Variants in MED1 observed in about 807,000 individuals in gnomAD.
MED1 encodes the protein mediator of RNA polymerase II transcription subunit 1.
Under a neutral mutation model 121.3 loss-of-function variants are expected in MED1, and 17 were observed. The ratio of observed to expected loss-of-function variants is 0.14; its 90% CI spans 0.10 to 0.21. The LOEUF is 0.21. Ranked by LOEUF, MED1 falls within the 10% of genes least tolerant of loss-of-function variation. The probability of loss-of-function intolerance (pLI) is 1.00; values close to 1 mark genes in which losing one functional copy is unlikely to be tolerated. For synonymous variants in MED1, 661 were observed against 694.4 expected (o/e 0.95, Z 0.76); for missense variants, 1,558 against 1,919.4 (o/e 0.81, Z 3.52).
At chr17:39,430,150 C>T (rs932552113) in intron 9 of MED1, among the ~76,000 whole-genome samples, 4 of 151,174 alleles carry the variant, frequency 2.6e-5, no homozygotes, top group Non-Finnish European at 4.4e-5. Context: ...TTTGGGCAGC[C>T]GAGGAGGGAG....
chr17:39,413,350 A>T (rs1453361507), intron 16 of MED1, among the ~76,000 whole-genome samples: 5 of 152,194 alleles, frequency 3.3e-5, no homozygotes, highest in African/African-American at 1.2e-4. Context: ...GCAACCTCCG[A>T]TTCCCAGGTT....
Position 39,405,361 on chromosome 17 carries a change from T to C in MED1, c.*2114A>G. On this transcript the variant is annotated 3_prime_UTR_variant, in exon 17 of 17. Coordinates refer to ENST00000300651, the MANE Select transcript of MED1 (RefSeq NM_004774.4). ...GCTTCCCAGTTTACTCATTTTGGTA[T>C]TTGTTGGCCCTGCATGGGGGAGCTG... The C allele has an allele frequency of 6.4e-7, 1 of 1,573,242 alleles. No homozygotes were observed. Among genetic ancestry groups the C allele is most frequent in the African/African-American group, 1.3e-5 (1 of 74,266 alleles).
Position 39,434,261 on chromosome 17 carries a change from A to G in MED1, c.488T>C (p.Leu163Pro). Residue 163 changes from leucine (L) to proline (P), a missense_variant, in exon 7 of 17, where the codon CTT (leucine) becomes CCT (proline). By Grantham distance (98) the Leu-to-Pro change is moderately conservative. Transcript: ENST00000300651. ...TAAAAATACTTACTTGTCCCCTGGA[A>G]GGTTATACAGATTAACAAGGCCCTT... ...HLKGLVNLYN[L>P]PGDNKLKTKM... 6.4e-7 allele frequency: 1 copy of G among 1,556,194 alleles called. No individual in the cohort carries two copies. Among genetic ancestry groups the G allele is most frequent in the East Asian group, 2.4e-5 (1 of 42,236 alleles).
At chr17:39,444,574 C>T (rs1256114106) in intron 2 of MED1, among the ~76,000 whole-genome samples, 1 of 150,162 alleles carries the variant, frequency 6.7e-6, no homozygotes, top group East Asian at 2.0e-4. Flanking sequence ...AGAACAAAAA[C>T]TTAGCCTAGT....
intron 1 of MED1, among the ~76,000 whole-genome samples, chr17:39,450,015 T>C (rs916594651): frequency 6.6e-6 from 1 of 151,576 alleles, no homozygotes. Flanking sequence ...GTTTTCTCCA[T>C]GTTGGTCAGG....
intron 16 of MED1, among the ~76,000 whole-genome samples, chr17:39,412,385 C>T (rs1158285712): frequency 1.3e-5 from 2 of 151,448 alleles, no homozygotes; most frequent in Non-Finnish European, 2.9e-5. Flanking sequence ...TGCGCCATCA[C>T]GCCCAGCTAA....
intron 6 of MED1, among the ~76,000 whole-genome samples, chr17:39,438,658 G>A (rs1308916560): frequency 6.6e-6 from 1 of 151,870 alleles, no homozygotes; most frequent in Non-Finnish European, 1.5e-5. Context: ...ATTTTTAATA[G>A]AGATGGGGTT....
chr17:39,413,566 T>C (rs1224146632), intron 16 of MED1, among the ~76,000 whole-genome samples: 1 of 151,988 alleles, frequency 6.6e-6, no homozygotes, highest in African/African-American at 2.4e-5. Context: ...CAGCCTAACA[T>C]TTAAGTTGTG....
chr17:39,415,338 A>C lies in MED1; in HGVS notation c.1299T>G (p.Asp433Glu). The change falls in exon 15 of 17, where the codon GAT becomes GAG. Residue 433 changes from aspartate (D) to glutamate (E), a missense_variant and splice_region_variant. By Grantham distance (45) the Asp-to-Glu change is conservative. Transcript: ENST00000300651. Reference protein sequence around the residue: ...SCVKRTILKEDSPGLLQFEVC... With the variant: ...SCVKRTILKEESPGLLQFEVC... ...CTTCAAATTGGAGAAGCCCAGGAGAATCTAAAAGGCAAAGAGAAAGATCAT... is the reference window on the plus strand; with the variant it reads ...CTTCAAATTGGAGAAGCCCAGGAGACTCTAAAAGGCAAAGAGAAAGATCAT... The C allele has an allele frequency of 6.2e-7, 1 of 1,608,712 alleles. No homozygotes were observed. The highest frequency in any genetic ancestry group is 1.1e-5 in the South Asian group (1 of 90,858).
At position 39,408,770 on chromosome 17, in the gene MED1, C is replaced by A; in HGVS notation, c.3451G>T (p.Gly1151Trp). ...SQSKNSSQSG[G>W]KPGSSPITKH... ...GTTATGGGAGAGGAGCCTGGCTTCC[C>A]CCCAGACTGGGATGAATTTTTGGAC... is the stretch of plus-strand genomic sequence containing the variant. Residue 1151 changes from glycine (G) to tryptophan (W), a missense_variant, in exon 17 of 17, where the codon GGG becomes TGG. By Grantham distance (184) the Gly-to-Trp change is radical. Around this residue, in one of 5 missense-constraint regions of MED1, gnomAD observed 793 missense variants for 898.2 expected, o/e 0.88. Transcript: ENST00000300651. This position sits in a 1 kb window ranked among gnomAD's most constrained non-coding sequence, Gnocchi z 4.7. 2 of 1,614,060 alleles carry A rather than the reference C, an allele frequency of 1.2e-6. No homozygotes were observed. The highest frequency in any genetic ancestry group is 8.5e-7 in the Non-Finnish European group (1 of 1,179,984).
chr17:39,424,740 T>C lies in MED1; in HGVS notation c.740-2A>G. 1 of 1,563,474 alleles carries C rather than the reference T, an allele frequency of 6.4e-7. No homozygotes were observed. Among genetic ancestry groups the C allele is most frequent in the Non-Finnish European group, 8.8e-7 (1 of 1,136,936 alleles). On this transcript the variant is annotated splice_acceptor_variant, in intron 10 of 16. Transcript: ENST00000300651. LOFTEE classifies it high-confidence loss of function. Reference sequence around the variant, plus strand: ...CATTCATGCCCAAAGATCGAGAAACTGGGGATAGGAAAGAAAAAGGGTATT... The same window carrying C: ...CATTCATGCCCAAAGATCGAGAAACCGGGGATAGGAAAGAAAAAGGGTATT...
rs150112816 is a variant in MED1, at chr17:39,408,915, G to A, written c.3306C>T (p.Ser1102=). The part of the protein sequence containing the change: ...SGSKSHHSHS[S]SSSSSASTSG... ...AGGTGGAAGCAGATGAGGAAGAGGA[G>A]GAAGAATGGCTATGGTGGCTTTTGC... Residue 1102 remains serine (S), a synonymous_variant, in exon 17 of 17, where the codon TCC becomes TCT. Coordinates refer to ENST00000300651, the MANE Select transcript of MED1 (RefSeq NM_004774.4). The surrounding 1 kb of genome is among the most constrained non-coding windows in gnomAD (Gnocchi z 4.7). 399 of 1,614,138 alleles carry A rather than the reference G, an allele frequency of 2.5e-4. 4 individuals are homozygous for A. In the African/African-American group the frequency reaches 4.6e-3, roughly 19 times the overall value.
At chr17:39,423,628 G>A in intron 12 of MED1, 69 bp downstream of exon 12, 1 of 1,600,350 alleles carries the variant, frequency 6.2e-7, no homozygotes, top group Non-Finnish European at 8.6e-7. Flanking sequence ...AAGACGTCAT[G>A]ATAACCTGAC....
rs1429782241 is a variant in MED1, at chr17:39,404,345, G to A, written c.*3130C>T. 3 of 151,764 alleles carry A rather than the reference G, an allele frequency of 2.0e-5. No individual in the cohort carries two copies. The highest frequency in any genetic ancestry group is 2.9e-5 in the Non-Finnish European group (2 of 67,968). 9.4% of individuals were successfully genotyped at this position (151,764 alleles called of 1,614,324 possible). A position where few individuals can be genotyped will look rare whatever the true frequency, so the allele number is the denominator to read the frequency against. ...TAAACAGGTTATTTTGTAATGTTTC[G>A]GGAAAAAAATCCCACAACAGATTTC... On this transcript the variant is annotated 3_prime_UTR_variant, in exon 17 of 17. Coordinates refer to ENST00000300651, the MANE Select transcript of MED1 (RefSeq NM_004774.4).
chr17:39,424,815 AT>A, intron 10 of MED1, 77 bp from the exon 11 acceptor site: 1 of 830,742 alleles, frequency 1.2e-6, no homozygotes, highest in Non-Finnish European at 2.0e-6. Context: ...TAAGAGGTTA[AT>A]TTTTGCAATA....
At chr17:39,418,204 A>T (rs1052747245) in intron 14 of MED1, among the ~76,000 whole-genome samples, 2 of 151,844 alleles carry the variant, frequency 1.3e-5, no homozygotes, top group African/African-American at 4.8e-5. Context: ...GAGAAAACAT[A>T]CTCAGAACTA....
rs2048301088 is a variant in MED1 at position 39,406,081 on chromosome 17, A to T, written c.*1394T>A. 14 of 985,376 alleles carry T rather than the reference A, an allele frequency of 1.4e-5. No homozygotes were observed. Among genetic ancestry groups the T allele is most frequent in the Non-Finnish European group, 1.7e-5 (14 of 829,928 alleles). The allele number at this position is 985,376 out of a possible 1,614,324, so 61.0% of individuals were successfully genotyped here. On this transcript the variant is annotated 3_prime_UTR_variant, in exon 17 of 17. Transcript: ENST00000300651. Reference sequence around the variant, plus strand: ...TACTGAGAACTTCTGTTGCACTCGAAACAGTCTCCTGGATTTCTATATTTT... The same window carrying T: ...TACTGAGAACTTCTGTTGCACTCGATACAGTCTCCTGGATTTCTATATTTT...
At chr17:39,427,008 A>C (rs2144744326) in intron 10 of MED1, among the ~76,000 whole-genome samples, 1 of 151,920 alleles carries the variant, frequency 6.6e-6, no homozygotes, top group African/African-American at 2.4e-5. Context: ...ACAGTCTCAA[A>C]CTCCTGGGCT....
At chr17:39,442,527 G>T (rs2048687302) in intron 3 of MED1, among the ~76,000 whole-genome samples, 1 of 149,996 alleles carries the variant, frequency 6.7e-6, no homozygotes, top group Non-Finnish European at 1.5e-5. Context: ...AACCCAGGAG[G>T]TGGAGGTTGC....
Sources: allele counts gnomAD v4.1 joint callset (sites outside exome capture counted in the v4.1 genomes callset), GRCh38; gene constraint gnomAD v4.1.1; regional missense constraint gnomAD v4.1.1; non-coding constraint Gnocchi (gnomAD v3.1); transcripts MANE v1.5; gene names NCBI Gene and HGNC (gene_info 2026-07-23, HGNC 2026-07-21).